EYS: variants seen among roughly 807,000 people sequenced by gnomAD.
The protein encoded by EYS is EGF-like photoreceptor maintenance factor, also known as protein eyes shut homolog.
EYS carries 250 observed loss-of-function variants against 282.1 expected under a neutral mutation model. The observed-to-expected ratio is 0.89, with a 90% CI of 0.80 to 0.98. The LOEUF (loss-of-function observed/expected upper bound fraction) is 0.98, where lower values mean the gene tolerates loss of function less well. Ranked by LOEUF, EYS falls within the 50% of genes least tolerant of loss-of-function variation. EYS has a pLI of 0.00. For synonymous variants in EYS, 1,355 were observed against 1,282.9 expected (o/e 1.06, Z -1.20); for missense variants, 4,016 against 3,709.0 (o/e 1.08, Z -2.15).
At chr6:64,665,817 C>T (rs1769210355) in intron 22 of EYS, among the ~76,000 whole-genome samples, 1 of 152,122 alleles carries the variant, frequency 6.6e-6, no homozygotes, top group Non-Finnish European at 1.5e-5. Context: ...TGTGAACATG[C>T]CATATATTTG....
At chr6:65,591,129 C>G (rs1765216833) in intron 2 of EYS, among the ~76,000 whole-genome samples, 1 of 151,942 alleles carries the variant, frequency 6.6e-6, no homozygotes, top group South Asian at 2.1e-4. Context: ...CACCACATGG[C>G]CTCTCCAACA....
chr6:63,921,253 G>A (rs2149743790), intron 35 of EYS, among the ~76,000 whole-genome samples: 1 of 152,186 alleles, frequency 6.6e-6, no homozygotes, highest in East Asian at 1.9e-4. Context: ...GTGTGACTGT[G>A]GAGGGCACAA....
intron 35 of EYS, among the ~76,000 whole-genome samples, chr6:63,884,673 A>T (rs1010764183): frequency 3.9e-5 from 6 of 152,206 alleles, no homozygotes; most frequent in Non-Finnish European, 7.4e-5. Flanking sequence ...TTTTTCAGAT[A>T]GTCCGTCAAA....
At chr6:64,572,100 G>T (rs1765744691) in intron 26 of EYS, among the ~76,000 whole-genome samples, 1 of 152,064 alleles carries the variant, frequency 6.6e-6, no homozygotes, top group Non-Finnish European at 1.5e-5. Context: ...CTTCATCCCT[G>T]GGATGCAAGG....
chr6:63,882,818 G>T (rs1433811459), intron 35 of EYS, among the ~76,000 whole-genome samples: 1 of 152,122 alleles, frequency 6.6e-6, no homozygotes, highest in Non-Finnish European at 1.5e-5. Context: ...TGTTTAAATA[G>T]TGAACAACAG....
chr6:64,295,763 A>G (rs115495637), intron 30 of EYS, among the ~76,000 whole-genome samples: 1 of 151,438 alleles, frequency 6.6e-6, no homozygotes, highest in Non-Finnish European at 1.5e-5. Context: ...CTGCCACTCC[A>G]AAGAAAACAG....
At chr6:64,524,603 T>C (rs992597080) in intron 26 of EYS, among the ~76,000 whole-genome samples, 3 of 151,908 alleles carry the variant, frequency 2.0e-5, no homozygotes, top group South Asian at 2.1e-4. Context: ...GTTTTTATAG[T>C]TTTGGGTTTT....
chr6:63,985,689 G>T (rs1389946773), intron 34 of EYS, among the ~76,000 whole-genome samples: 2 of 151,486 alleles, frequency 1.3e-5, no homozygotes, highest in African/African-American at 2.4e-5. Context: ...AAGACACAAA[G>T]AAATCACATC....
intron 11 of EYS, chr6:65,331,199 A>T: frequency 1.3e-6 from 1 of 782,562 alleles, no homozygotes. Flanking sequence ...CAATATTTTT[A>T]CTATTGCATT....
At chr6:65,171,522 C>T (rs1765105222) in intron 12 of EYS, among the ~76,000 whole-genome samples, 1 of 150,966 alleles carries the variant, frequency 6.6e-6, no homozygotes, top group African/African-American at 2.4e-5. Context: ...CCCAAAATGC[C>T]AGATGCATAT....
At chr6:64,362,391 G>C (rs1265571605) in intron 29 of EYS, among the ~76,000 whole-genome samples, 1 of 151,680 alleles carries the variant, frequency 6.6e-6, no homozygotes, top group Non-Finnish European at 1.5e-5. Flanking sequence ...AAAAAAGAAA[G>C]GGTCTAAATA....
At chr6:63,760,698 A>G (rs1325150031) in intron 41 of EYS, among the ~76,000 whole-genome samples, 2 of 138,996 alleles carry the variant, frequency 1.4e-5, no homozygotes, top group Non-Finnish European at 3.2e-5. Context: ...CTATCTATCT[A>G]TCTAATCTTC....
intron 26 of EYS, among the ~76,000 whole-genome samples, chr6:64,536,634 T>C (rs1174368655): frequency 1.3e-5 from 2 of 152,088 alleles, no homozygotes; most frequent in African/African-American, 2.4e-5. Flanking sequence ...TGCATAGGGC[T>C]ACATCCTACT....
chr6:64,938,758 A>G (rs1483946869), intron 15 of EYS, among the ~76,000 whole-genome samples: 3 of 151,712 alleles, frequency 2.0e-5, no homozygotes, highest in African/African-American at 7.2e-5. Flanking sequence ...CAGTAAGTAT[A>G]TTAAATACTT....
chr6:64,004,655 T>C (rs1168148608), intron 33 of EYS, among the ~76,000 whole-genome samples: 1 of 152,158 alleles, frequency 6.6e-6, no homozygotes, highest in Non-Finnish European at 1.5e-5. Context: ...TTGCCTTCTT[T>C]GTGTTCCCTT....
chr6:64,299,267 A>G (rs554702027), intron 30 of EYS, among the ~76,000 whole-genome samples: 5 of 152,214 alleles, frequency 3.3e-5, no homozygotes, highest in Non-Finnish European at 7.3e-5. Flanking sequence ...TTAATTACCC[A>G]AAGGCGTGTT....
At chr6:65,089,671 C>T (rs547584340) in intron 12 of EYS, among the ~76,000 whole-genome samples, 2 of 152,112 alleles carry the variant, frequency 1.3e-5, no homozygotes, top group South Asian at 2.1e-4. Context: ...CTTTCAGAGG[C>T]CAGGCATAGT....
intron 35 of EYS, among the ~76,000 whole-genome samples, chr6:63,896,051 G>T (rs1773530791): frequency 6.6e-6 from 1 of 151,464 alleles, no homozygotes; most frequent in Non-Finnish European, 1.5e-5. Context: ...ATTGGAATAT[G>T]GTATCTGTCT....
chr6:64,110,094 T>C (rs1241143517), intron 31 of EYS, among the ~76,000 whole-genome samples: 1 of 151,976 alleles, frequency 6.6e-6, no homozygotes. Context: ...GGATTAAGGA[T>C]AAAAATACAT....
Sources: allele counts gnomAD v4.1 joint callset (sites outside exome capture counted in the v4.1 genomes callset), GRCh38; gene constraint gnomAD v4.1.1; transcripts MANE v1.5; gene names NCBI Gene and HGNC (gene_info 2026-07-23, HGNC 2026-07-21).